The following UGT3A1 variants were observed in gnomAD, a reference collection of about 807,000 sequenced individuals.
UGT3A1 encodes UDP glycosyltransferase family 3 member A1.
Under a neutral mutation model 37.6 loss-of-function variants are expected in UGT3A1, and 40 were observed. The ratio of observed to expected loss-of-function variants is 1.06; its 90% confidence interval spans 0.83 to 1.38. The LOEUF is 1.38. UGT3A1 is among the 40% of genes most tolerant of loss of function. The pLI is 0.00. For missense variants in UGT3A1, 642 were observed against 634.2 expected (o/e 1.01, Z -0.13); for synonymous variants, 256 against 232.3 (o/e 1.10, Z -0.93).
At chr5:35,965,127 G>A (rs1739745950) in intron 4 of UGT3A1, among the ~76,000 whole-genome samples, 1 of 152,120 alleles carries the variant, frequency 6.6e-6, no homozygotes, top group African/African-American at 2.4e-5. Flanking sequence ...TAATTAAAGG[G>A]CTCATCCCAC....
chr5:35,972,709 C>T (rs1415596304), intron 2 of UGT3A1, among the ~76,000 whole-genome samples: 2 of 152,016 alleles, frequency 1.3e-5, no homozygotes, highest in Non-Finnish European at 2.9e-5. Context: ...TACTCCTAAG[C>T]AAATGCTTCT....
chr5:35,973,897 G>C (rs1580940338), intron 2 of UGT3A1, among the ~76,000 whole-genome samples: 1 of 152,188 alleles, frequency 6.6e-6, no homozygotes, highest in Non-Finnish European at 1.5e-5. Flanking sequence ...GATTCATGGA[G>C]ACCTAGAGCA....
At chr5:35,985,690 A>G (rs1197357400) in intron 2 of UGT3A1, among the ~76,000 whole-genome samples, 1 of 152,230 alleles carries the variant, frequency 6.6e-6, no homozygotes, top group Non-Finnish European at 1.5e-5. Context: ...GTCTCTCACC[A>G]TACAAAAAAA....
chr5:35,983,893 G>A (rs895646340), intron 2 of UGT3A1, among the ~76,000 whole-genome samples: 6 of 151,884 alleles, frequency 4.0e-5, no homozygotes, highest in Non-Finnish European at 5.9e-5. Flanking sequence ...AGGTATAGAA[G>A]GAACATACCT....
intron 2 of UGT3A1, among the ~76,000 whole-genome samples, chr5:35,985,505 C>A (rs957064351): frequency 2.6e-5 from 4 of 152,074 alleles, no homozygotes; most frequent in Admixed American, 2.6e-4. Flanking sequence ...GGCATGAAAA[C>A]AGACACATAG....
intron 2 of UGT3A1, among the ~76,000 whole-genome samples, chr5:35,973,347 A>G (rs1337382173): frequency 6.6e-6 from 1 of 152,196 alleles, no homozygotes; most frequent in East Asian, 1.9e-4. Context: ...TCTGGGGTAC[A>G]TGTGTAGAAG....
chr5:35,965,793 C>T lies in UGT3A1; in HGVS notation c.436G>A (p.Ala146Thr), dbSNP rs752166325. Residue 146 changes from alanine to threonine, a missense_variant, in exon 4 of 7, where the codon GCA becomes ACA. By Grantham distance (58) the Ala-to-Thr change is moderately conservative. Coordinates refer to ENST00000274278, the MANE Select transcript of UGT3A1 (RefSeq NM_152404.4). The stretch of plus-strand genomic sequence containing the variant: ...ATCAGGAAAGAACAGAAATCAAATG[C>T]TTCAACAAATACCAGATCATAGTTC... ...NENYDLVFVE[A>T]FDFCSFLIAE... The T allele has an allele frequency of 2.5e-6, 4 of 1,614,186 alleles. No individual in the cohort carries two copies. The highest frequency in any genetic ancestry group is 1.1e-5 in the South Asian group (1 of 91,088).
chr5:35,961,707 G>T (rs1739593495), intron 4 of UGT3A1: 1 of 152,164 alleles, frequency 6.6e-6, no homozygotes, highest in African/African-American at 2.4e-5. Flanking sequence ...AAAAGGCAAA[G>T]ATGGCCACTT....
intron 3 of UGT3A1, among the ~76,000 whole-genome samples, chr5:35,967,002 C>T (rs1227877038): frequency 1.3e-5 from 2 of 152,052 alleles, no homozygotes; most frequent in Non-Finnish European, 2.9e-5. Context: ...TCAATATATA[C>T]AGTATGAACT....
rs542250181 is a variant in UGT3A1 at position 35,957,468 on chromosome 5, A to G, written c.844-49T>C. Reference sequence around the variant, plus strand: ...GGAGGTGGCAAAATTGAGAACGCCTAAGTGTCCATGAAATGAAACCCAGTC... The same window carrying G: ...GGAGGTGGCAAAATTGAGAACGCCTGAGTGTCCATGAAATGAAACCCAGTC... On this transcript the variant is annotated intron_variant, in intron 4 of 6. Transcript: ENST00000274278. The G allele has an allele frequency of 2.1e-5, 32 of 1,492,604 alleles. No individual in the cohort carries two copies. The South Asian group carries it at 3.6e-4, about 17-fold the overall frequency. The allele number at this position is 1,492,604 out of a possible 1,614,324, so 92.5% of individuals were successfully genotyped here.
intron 4 of UGT3A1, among the ~76,000 whole-genome samples, chr5:35,964,808 C>G (rs532999796): frequency 1.3e-5 from 2 of 152,340 alleles, no homozygotes; most frequent in African/African-American, 4.8e-5. Flanking sequence ...TGAGTCTGCG[C>G]TGTTTGAATC....
At position 35,952,252 on chromosome 5, in the gene UGT3A1, G is replaced by A. The variant is rs1008290680; in HGVS notation, c.*1950C>T. ...TAAAAACAGCAAAATGTGTTCTGAG[G>A]GGGTGTAGCGAACATTTGGAAAAGA... is the stretch of plus-strand genomic sequence containing the variant. On this transcript the variant is annotated 3_prime_UTR_variant, in exon 7 of 7. Coordinates refer to ENST00000274278, the MANE Select transcript of UGT3A1 (RefSeq NM_152404.4). The A allele has an allele frequency of 5.3e-5, 8 of 152,214 alleles. No individual in the cohort carries two copies. The highest frequency in any genetic ancestry group is 5.2e-4 in the Admixed American group (8 of 15,284). The allele number at this position is 152,214 out of a possible 1,614,324, so 9.4% of individuals were successfully genotyped here. A position where few individuals can be genotyped will look rare whatever the true frequency, so the allele number is the denominator to read the frequency against.
At chr5:35,969,531 G>C (rs1739951912) in intron 2 of UGT3A1, among the ~76,000 whole-genome samples, 1 of 148,502 alleles carries the variant, frequency 6.7e-6, no homozygotes. Context: ...GAGAAAGAGA[G>C]AATTAGGTTA....
At chr5:35,972,878 G>T (rs1740104405) in intron 2 of UGT3A1, among the ~76,000 whole-genome samples, 2 of 108,996 alleles carry the variant, frequency 1.8e-5, no homozygotes, top group African/African-American at 5.3e-5. Context: ...AAGCTTCTTT[G>T]TCTGCCCTGA....
At chr5:35,979,015 T>C (rs942584051) in intron 2 of UGT3A1, among the ~76,000 whole-genome samples, 5 of 152,180 alleles carry the variant, frequency 3.3e-5, no homozygotes, top group Admixed American at 2.6e-4. Context: ...TGATCTCCTT[T>C]GAATCCGTGC....
intron 4 of UGT3A1, chr5:35,961,652 C>T (rs1739590850): frequency 6.6e-6 from 1 of 152,128 alleles, no homozygotes; most frequent in Admixed American, 6.6e-5. Flanking sequence ...TGCATGGTGA[C>T]CATTAATGCT....
chr5:36,000,052 C>T (rs1231544242), intron 1 of UGT3A1, among the ~76,000 whole-genome samples: 1 of 152,162 alleles, frequency 6.6e-6, no homozygotes, highest in African/African-American at 2.4e-5. Context: ...TCCATTGTGT[C>T]TACCATCCCT....
chr5:35,966,065 C>T, intron 3 of UGT3A1, 148 bp from the exon 4 acceptor site: 1 of 636,376 alleles, frequency 1.6e-6, no homozygotes, highest in East Asian at 3.0e-5. Flanking sequence ...AACAAATACT[C>T]TCAGCTCTGG....
intron 2 of UGT3A1, among the ~76,000 whole-genome samples, chr5:35,974,406 C>A (rs947138568): frequency 2.0e-5 from 3 of 152,080 alleles, no homozygotes; most frequent in African/African-American, 7.2e-5. Flanking sequence ...TTGGAAAGTC[C>A]AGGTGGAAGT....
Sources: gnomAD v4.1 joint callset for allele counts (sites outside exome capture counted in the v4.1 genomes callset) on GRCh38, gnomAD v4.1.1 for gene constraint, MANE v1.5 for transcripts, NCBI Gene and HGNC (gene_info 2026-07-23, HGNC 2026-07-21) for gene names.